Variants in PPP4R1 observed in about 807,000 individuals in gnomAD.
PPP4R1 encodes serine/threonine-protein phosphatase 4 regulatory subunit 1.
Under a neutral mutation model 111.2 loss-of-function variants are expected in PPP4R1, and 42 were observed. The observed-to-expected ratio is 0.38, with a 90% CI of 0.29 to 0.49. The LOEUF is 0.49. Among genes scored for constraint, PPP4R1 ranks in the 20% least tolerant of loss-of-function variants. The pLI, the probability that PPP4R1 is intolerant of heterozygous loss-of-function variation, is 0.97. For missense variants in PPP4R1, 1,012 were observed against 1,161.6 expected (o/e 0.87, Z 1.87); for synonymous variants, 409 against 405.5 (o/e 1.01, Z -0.10).
At chr18:9,573,067 A>C (rs1340627539) in intron 10 of PPP4R1, among the ~76,000 whole-genome samples, 1 of 152,210 alleles carries the variant, frequency 6.6e-6, no homozygotes, top group Non-Finnish European at 1.5e-5. Context: ...TTCCCACTCC[A>C]AAGGAGCTCC....
chr18:9,597,915 G>T (rs1033623665), intron 2 of PPP4R1, among the ~76,000 whole-genome samples: 1 of 151,970 alleles, frequency 6.6e-6, no homozygotes, highest in African/African-American at 2.4e-5. Context: ...TAAGAACATT[G>T]AAAGTTATTT....
chr18:9,568,500 C>G (rs1182656193), intron 11 of PPP4R1, among the ~76,000 whole-genome samples: 2 of 152,166 alleles, frequency 1.3e-5, no homozygotes, highest in Non-Finnish European at 2.9e-5. Flanking sequence ...TTCTGAAACA[C>G]AAAGTCACAT....
intron 11 of PPP4R1, among the ~76,000 whole-genome samples, chr18:9,566,516 C>T (rs1045224112): frequency 1.3e-5 from 2 of 151,864 alleles, no homozygotes; most frequent in Admixed American, 6.6e-5. Flanking sequence ...CCAGGCATGG[C>T]GGTGCATGCC....
Position 9,553,793 on chromosome 18 carries a change from C to T in PPP4R1, c.2191-371G>A, listed in dbSNP as rs572603907. Among the ~76,000 whole-genome samples the T allele has an allele frequency of 2.6e-5, 4 of 152,324 alleles. No individual in the cohort carries two copies. The South Asian group carries it at 6.2e-4, about 24-fold the overall frequency. ...CTCTTAACCACGTGTGTAAGCCCTG[C>T]GTGTGACGCTGTGACAGCACAGAGT... is the stretch of plus-strand genomic sequence containing the variant. On this transcript the variant is annotated intron_variant, in intron 15 of 19. Transcript: ENST00000400556.
intron 11 of PPP4R1, among the ~76,000 whole-genome samples, chr18:9,569,390 C>T (rs1222164067): frequency 2.0e-5 from 3 of 152,112 alleles, no homozygotes; most frequent in African/African-American, 7.2e-5. Context: ...GTCTTGCTGT[C>T]GCCCAGGCTG....
chr18:9,603,658 C>A (rs991196537), intron 2 of PPP4R1, among the ~76,000 whole-genome samples: 5 of 109,594 alleles, frequency 4.6e-5, no homozygotes, highest in African/African-American at 9.7e-5. Context: ...AGGTAATTTT[C>A]TTTATTTTTT....
At chr18:9,549,877 G>T in intron 18 of PPP4R1, 175 bp downstream of exon 18, 1 of 926,194 alleles carries the variant, frequency 1.1e-6, no homozygotes, top group Non-Finnish European at 1.6e-6. Context: ...CTAGCTGGGA[G>T]AGAGGGGCCA....
intron 10 of PPP4R1, among the ~76,000 whole-genome samples, chr18:9,575,235 CG>C (rs1296353992): frequency 6.6e-6 from 1 of 152,158 alleles, no homozygotes; most frequent in African/African-American, 2.4e-5. Flanking sequence ...AGGACAGGAA[CG>C]AAGTTCTATC....
At chr18:9,561,045 C>G (rs1471019352) in intron 13 of PPP4R1, among the ~76,000 whole-genome samples, 1 of 151,284 alleles carries the variant, frequency 6.6e-6, no homozygotes, top group East Asian at 2.0e-4. Flanking sequence ...CGGCGAAACA[C>G]TGTCTCTACT....
chr18:9,583,392 A>T, intron 8 of PPP4R1, 117 bp from the exon 9 acceptor site: 15 of 1,081,148 alleles, frequency 1.4e-5, no homozygotes, highest in South Asian at 2.3e-5. Context: ...TTTGAGACAG[A>T]GTCTCACTCT....
At chr18:9,614,570 G>T (rs1235258008), upstream of PPP4R1, 22 of 912,664 alleles carry the variant, frequency 2.4e-5, no homozygotes, top group Non-Finnish European at 2.4e-5. This position sits in a 1 kb window ranked among gnomAD's most constrained non-coding sequence, Gnocchi z 4.1. Flanking sequence ...GGACGCGCGC[G>T]GGAGGGGCGG....
At chr18:9,548,282 C>CA (rs756320086) in intron 19 of PPP4R1, among the ~76,000 whole-genome samples, 2,161 of 120,650 alleles carry the variant, frequency 0.018, 19 homozygotes, top group Admixed American at 0.024. Flanking sequence ...ACACCAACTA[C>CA]AAAAAAAAAA....
At position 9,595,158 on chromosome 18, in the gene PPP4R1, C is replaced by T; in HGVS notation, c.53-5G>A. On this transcript the variant is annotated splice_region_variant and splice_polypyrimidine_tract_variant and intron_variant, in intron 2 of 19. Transcript: ENST00000400556. The stretch of plus-strand genomic sequence containing the variant: ...AGCTGTAGTCATCCACACCAACTAT[C>T]AGAGACATCAGAAATACTCCTTATA... The T allele has an allele frequency of 6.2e-7, 1 of 1,613,344 alleles. No homozygotes were observed. Among genetic ancestry groups the T allele is most frequent in the Non-Finnish European group, 8.5e-7 (1 of 1,179,498 alleles).
Position 9,547,970 on chromosome 18 carries a change from A to G in PPP4R1, c.2690-18T>C. 1 of 1,612,974 alleles carries G rather than the reference A, an allele frequency of 6.2e-7. No homozygotes were observed. Among genetic ancestry groups the G allele is most frequent in the South Asian group, 1.1e-5 (1 of 91,012 alleles). On this transcript the variant is annotated intron_variant, in intron 19 of 19. Transcript: ENST00000400556. ...GAAATAGTCTGGAAATGACATGTGC[A>G]TAGGACAGATGAAACCAGTCCAACG...
At chr18:9,548,321 C>T (rs1419047035) in intron 19 of PPP4R1, among the ~76,000 whole-genome samples, 1 of 151,770 alleles carries the variant, frequency 6.6e-6, no homozygotes, top group African/African-American at 2.4e-5. Context: ...TTCATTTATC[C>T]TTATTCTTTG....
Position 9,614,183 on chromosome 18 carries a change from C to T in PPP4R1, c.52+43G>A, listed in dbSNP as rs759233930. 3.1e-5 allele frequency: 41 copies of T among 1,326,496 alleles called. No individual in the cohort carries two copies. Among genetic ancestry groups the T allele is most frequent in the South Asian group, 2.7e-4 (15 of 54,548 alleles). The allele number at this position is 1,326,496 out of a possible 1,614,324, so 82.2% of individuals were successfully genotyped here. ...CGCCGCCGCCCGCCCTCCCCGGCCG[C>T]TCCCCGCGGACTGCCAGGCCACCGC... On this transcript the variant is annotated intron_variant, in intron 2 of 19. Coordinates refer to ENST00000400556, the MANE Select transcript of PPP4R1 (RefSeq NM_001042388.3). This position sits in a 1 kb window ranked among gnomAD's most constrained non-coding sequence, Gnocchi z 4.1.
intron 15 of PPP4R1, among the ~76,000 whole-genome samples, chr18:9,556,261 T>C (rs542736463): frequency 1.3e-5 from 2 of 149,332 alleles, no homozygotes; most frequent in Non-Finnish European, 3.0e-5. Flanking sequence ...GGCATGATCT[T>C]GGCTCACTGC....
At position 9,577,563 on chromosome 18, in the gene PPP4R1, G is replaced by T. The variant is rs76102535; in HGVS notation, c.919-372C>A. ...GCCTGTGGTCCCAGCTACTCGGCAG[G>T]GCCTGAGGTGGAAGAAGCGCGTGAA... On this transcript the variant is annotated intron_variant, in intron 9 of 19. Transcript: ENST00000400556. Among the ~76,000 whole-genome samples, 1,261 of 152,252 alleles carry T rather than the reference G, an allele frequency of 8.3e-3. 19 individuals carry two copies. Among genetic ancestry groups the T allele is most frequent in the African/African-American group, 0.029 (1,191 of 41,540 alleles).
At chr18:9,605,228 G>C (rs1201677637) in intron 2 of PPP4R1, among the ~76,000 whole-genome samples, 1 of 151,972 alleles carries the variant, frequency 6.6e-6, no homozygotes, top group Non-Finnish European at 1.5e-5. Flanking sequence ...AAAGATTTGG[G>C]GCTTTAAAAT....
Sources: gnomAD v4.1 joint callset for allele counts (sites outside exome capture counted in the v4.1 genomes callset) on GRCh38, gnomAD v4.1.1 for gene constraint, Gnocchi (gnomAD v3.1) non-coding constraint, MANE v1.5 for transcripts, NCBI Gene and HGNC (gene_info 2026-07-23, HGNC 2026-07-21) for gene names.